NLGN1: variants seen among roughly 807,000 people sequenced by gnomAD.
The protein encoded by NLGN1 is neuroligin-1.
A neutral mutation model predicts 65.5 loss-of-function variants in NLGN1; 12 were observed. The observed-to-expected ratio is 0.18, with a 90% CI of 0.12 to 0.30. The LOEUF (loss-of-function observed/expected upper bound fraction) is 0.30. Ranked by LOEUF, NLGN1 falls within the 10% of genes least tolerant of loss-of-function variation. The pLI is 1.00. For missense variants in NLGN1, 750 were observed against 1,007.1 expected, an observed-to-expected ratio of 0.74 and a Z score of 3.46; for synonymous variants, 350 against 359.5, an observed-to-expected ratio of 0.97 and a Z score of 0.30.
intron 2 of NLGN1, among the ~76,000 whole-genome samples, chr3:173,559,121 A>G (rs1333397951): frequency 1.3e-5 from 2 of 152,168 alleles, no homozygotes; most frequent in Non-Finnish European, 1.5e-5. Flanking sequence ...GAAGTTTCAG[A>G]TATTTGGTTT....
intron 2 of NLGN1, among the ~76,000 whole-genome samples, chr3:173,516,364 A>G (rs958515193): frequency 6.6e-6 from 1 of 152,056 alleles, no homozygotes; most frequent in Non-Finnish European, 1.5e-5. Flanking sequence ...CTGTCTTCAT[A>G]TCTCCATCTA....
At chr3:173,553,078 C>G (rs1410391048) in intron 2 of NLGN1, among the ~76,000 whole-genome samples, 1 of 152,074 alleles carries the variant, frequency 6.6e-6, no homozygotes. Context: ...CGGGGCAGTG[C>G]GTTAGATCAC....
intron 4 of NLGN1, among the ~76,000 whole-genome samples, chr3:173,808,915 T>A (rs1717274503): frequency 6.6e-6 from 1 of 152,172 alleles, no homozygotes; most frequent in Non-Finnish European, 1.5e-5. Flanking sequence ...TTATTGTAAC[T>A]CCTATGTAAT....
intron 3 of NLGN1, among the ~76,000 whole-genome samples, chr3:173,722,721 T>A (rs1560237059): frequency 6.6e-6 from 1 of 152,162 alleles, no homozygotes; most frequent in Non-Finnish European, 1.5e-5. Flanking sequence ...CTCACATTTT[T>A]CATCAATGTT....
rs936532229 is a variant in NLGN1, at chr3:173,574,012, G to A, written c.-320-30267G>A. Among the ~76,000 whole-genome samples the A allele has an allele frequency of 5.8e-5, 8 of 136,802 alleles. No individual in the cohort carries two copies. The East Asian group carries it at 1.3e-3, about 22-fold the overall frequency. The allele number at this position is 136,802 out of a possible 152,430, so 89.7% of individuals were successfully genotyped here. A position where few individuals can be genotyped will look rare whatever the true frequency, so the allele number is the denominator to read the frequency against. On this transcript the variant is annotated intron_variant, in intron 2 of 6. Transcript: ENST00000457714. Reference sequence around the variant, plus strand: ...CAGGAGGCGGAGCTTGCAGTGAGCCGAGATGGCATCACTGCACTCCAGCCT... The same window carrying A: ...CAGGAGGCGGAGCTTGCAGTGAGCCAAGATGGCATCACTGCACTCCAGCCT...
At chr3:173,931,692 C>T (rs1202134355) in intron 4 of NLGN1, among the ~76,000 whole-genome samples, 1 of 151,950 alleles carries the variant, frequency 6.6e-6, no homozygotes, top group Admixed American at 6.6e-5. Flanking sequence ...TTTTACCTTG[C>T]CTGGGTAGAA....
chr3:173,423,290 C>A lies in NLGN1; in HGVS notation c.-389-11720C>A, dbSNP rs146541952. Among the ~76,000 whole-genome samples, 964 of 152,264 alleles carry A rather than the reference C, an allele frequency of 6.3e-3. 8 individuals carry two copies. The highest frequency in any genetic ancestry group is 0.022 in the African/African-American group (914 of 41,548). ...CACAGAGCCAAACCATATCATTCTGCCCTTGGCTCCTCCCAAATCCCATGT... is the reference window on the plus strand; with the variant it reads ...CACAGAGCCAAACCATATCATTCTGACCTTGGCTCCTCCCAAATCCCATGT... On this transcript the variant is annotated intron_variant, in intron 1 of 6. Coordinates refer to ENST00000457714, the Ensembl canonical transcript of NLGN1.
chr3:173,824,452 ATTG>A (rs1162566091), intron 4 of NLGN1, among the ~76,000 whole-genome samples: 2 of 152,110 alleles, frequency 1.3e-5, no homozygotes, highest in African/African-American at 2.4e-5. Flanking sequence ...GCCCTTGTTT[ATTG>A]TTGTTTTTAA....
intron 4 of NLGN1, among the ~76,000 whole-genome samples, chr3:174,092,199 C>T (rs1263844764): frequency 4.6e-5 from 7 of 152,094 alleles, no homozygotes; most frequent in East Asian, 1.9e-4. Flanking sequence ...GCTTGTAAGA[C>T]GGTACTGAAC....
At chr3:173,515,072 C>A (rs1001566717) in intron 2 of NLGN1, among the ~76,000 whole-genome samples, 1 of 152,072 alleles carries the variant, frequency 6.6e-6, no homozygotes, top group Admixed American at 6.5e-5. Context: ...TTTTGAGGAA[C>A]CTTCAAACAG....
intron 2 of NLGN1, among the ~76,000 whole-genome samples, chr3:173,539,021 T>C (rs4289370): frequency 0.6 from 90,300 of 151,708 alleles, 27,399 homozygotes; most frequent in East Asian, 0.85. Context: ...TATATAATCA[T>C]ACATCTGACC....
chr3:174,094,390 G>T (rs552469059), intron 4 of NLGN1, among the ~76,000 whole-genome samples: 1 of 151,636 alleles, frequency 6.6e-6, no homozygotes, highest in African/African-American at 2.4e-5. Context: ...CTGGTGGGCC[G>T]CATGTGACCT....
At chr3:173,645,619 T>C (rs1036405485) in intron 3 of NLGN1, among the ~76,000 whole-genome samples, 14 of 152,272 alleles carry the variant, frequency 9.2e-5, no homozygotes, top group Admixed American at 7.8e-4. Context: ...AGAGGAAAAT[T>C]AGTTCCATGG....
intron 4 of NLGN1, among the ~76,000 whole-genome samples, chr3:174,068,582 C>T (rs1488366509): frequency 6.6e-6 from 1 of 152,114 alleles, no homozygotes; most frequent in African/African-American, 2.4e-5. Context: ...ATCTTATACT[C>T]AGAATTAGCT....
intron 4 of NLGN1, among the ~76,000 whole-genome samples, chr3:174,230,687 G>C (rs1447633271): frequency 6.6e-6 from 1 of 152,098 alleles, no homozygotes; most frequent in African/African-American, 2.4e-5. Flanking sequence ...AGCTACTGAG[G>C]GGGTGGAGGG....
intron 2 of NLGN1, among the ~76,000 whole-genome samples, chr3:173,505,759 C>T (rs1366084206): frequency 6.6e-6 from 1 of 152,048 alleles, no homozygotes; most frequent in Non-Finnish European, 1.5e-5. Context: ...CAGTCGATTC[C>T]TCTCTGTCAC....
At chr3:173,574,972 A>C (rs556310816) in intron 2 of NLGN1, among the ~76,000 whole-genome samples, 1 of 152,116 alleles carries the variant, frequency 6.6e-6, no homozygotes, top group East Asian at 1.9e-4. Context: ...ACAGCCTCCA[A>C]CTCCTGGGCT....
intron 1 of NLGN1, among the ~76,000 whole-genome samples, chr3:173,429,813 C>G (rs979528111): frequency 6.6e-6 from 1 of 152,158 alleles, no homozygotes; most frequent in African/African-American, 2.4e-5. Flanking sequence ...TGTATATCCC[C>G]GCTGTGTGGG....
chr3:173,447,780 C>T (rs997698824), intron 2 of NLGN1, among the ~76,000 whole-genome samples: 2 of 152,114 alleles, frequency 1.3e-5, no homozygotes, highest in African/African-American at 4.8e-5. Context: ...CTTCACATCC[C>T]TTGTAAGTTG....
Sources: gnomAD v4.1 joint callset for allele counts (sites outside exome capture counted in the v4.1 genomes callset) on GRCh38, gnomAD v4.1.1 for gene constraint, MANE v1.5 for transcripts, NCBI Gene and HGNC (gene_info 2026-07-23, HGNC 2026-07-21) for gene names.